Variants in RAB11FIP3 observed in about 807,000 individuals in gnomAD.
RAB11FIP3 encodes RAB11 family interacting protein 3, also known as rab11 family-interacting protein 3.
RAB11FIP3 carries 17 observed loss-of-function variants against 77.8 expected under a neutral mutation model. The ratio of observed to expected loss-of-function variants is 0.22; its 90% CI spans 0.15 to 0.33. The LOEUF is 0.33. Among genes scored for constraint, RAB11FIP3 ranks in the 10% least tolerant of loss-of-function variants. RAB11FIP3 has a pLI of 1.00. For missense variants in RAB11FIP3, 1,005 were observed against 1,011.2 expected, an observed-to-expected ratio of 0.99 and a Z score of 0.08; for synonymous variants, 437 against 448.2, an observed-to-expected ratio of 0.98 and a Z score of 0.31.
At chr16:478,009 C>T (rs942469911) in intron 3 of RAB11FIP3, among the ~76,000 whole-genome samples, 2 of 152,116 alleles carry the variant, frequency 1.3e-5, no homozygotes, top group Non-Finnish European at 2.9e-5. Context: ...GTGGTTGAGT[C>T]ACACGTCTGA....
chr16:464,934 T>C (rs536797947), intron 2 of RAB11FIP3, among the ~76,000 whole-genome samples: 1 of 152,220 alleles, frequency 6.6e-6, no homozygotes, highest in African/African-American at 2.4e-5. Flanking sequence ...CAAACAGAAT[T>C]TTGTGTGTAA....
At chr16:482,095 G>A (rs111467788) in intron 3 of RAB11FIP3, among the ~76,000 whole-genome samples, 71 of 45,384 alleles carry the variant, frequency 1.6e-3, no homozygotes, top group South Asian at 2.5e-3. Flanking sequence ...ACCGCACCTG[G>A]GCAAGCTCCT....
At chr16:485,420 G>GT (rs35138712) in intron 4 of RAB11FIP3, among the ~76,000 whole-genome samples, 61,791 of 151,934 alleles carry the variant, frequency 0.41, 14,055 homozygotes, top group Middle Eastern at 0.54. Flanking sequence ...TTTTGTTTCT[G>GT]TTTTTTTGTC....
At chr16:490,468 T>C (rs7194187) in intron 5 of RAB11FIP3, among the ~76,000 whole-genome samples, 26,274 of 152,086 alleles carry the variant, frequency 0.17, 3,561 homozygotes, top group African/African-American at 0.38. Flanking sequence ...GCTTCCTGAG[T>C]AGCTGGGACT....
chr16:445,669 T>C (rs1409572489), intron 1 of RAB11FIP3, among the ~76,000 whole-genome samples: 4 of 152,000 alleles, frequency 2.6e-5, no homozygotes, highest in Non-Finnish European at 5.9e-5. Flanking sequence ...TGCTGTTGGC[T>C]CCTGTAGCGG....
chr16:492,480 A>AG (rs1263758353), intron 5 of RAB11FIP3, among the ~76,000 whole-genome samples: 2 of 102,380 alleles, frequency 2.0e-5, no homozygotes, highest in African/African-American at 7.2e-5. Flanking sequence ...GAGGCCGCCC[A>AG]GGGCCCTCCC....
intron 6 of RAB11FIP3, among the ~76,000 whole-genome samples, chr16:500,273 G>T (rs945140862): frequency 6.6e-6 from 1 of 152,214 alleles, no homozygotes; most frequent in African/African-American, 2.4e-5. Flanking sequence ...AGCCAGGCTC[G>T]ACCTACTGCC....
chr16:521,053 G>A lies in RAB11FIP3; in HGVS notation c.*214G>A. ...GGAGAGGGAGAAAGGGAAGTCCCAG[G>A]GCCCGGGGTCCACAGAGGATGAGGG... On this transcript the variant is annotated 3_prime_UTR_variant, in exon 14 of 14. Transcript: ENST00000262305. The A allele has an allele frequency of 3.4e-6, 2 of 592,868 alleles. No homozygotes were observed. The highest frequency in any genetic ancestry group is 2.9e-5 in the Admixed American group (1 of 34,070). The allele number at this position is 592,868 out of a possible 1,614,324, so 36.7% of individuals were successfully genotyped here.
At chr16:463,846 G>A (rs2055659232) in intron 2 of RAB11FIP3, among the ~76,000 whole-genome samples, 1 of 152,204 alleles carries the variant, frequency 6.6e-6, no homozygotes, top group South Asian at 2.1e-4. Flanking sequence ...CCTCTGTGGT[G>A]AACCAGCACC....
At chr16:491,012 T>C (rs2030131262) in intron 5 of RAB11FIP3, 1 of 897,558 alleles carries the variant, frequency 1.1e-6, no homozygotes, top group Admixed American at 3.2e-5. Context: ...CAGCTCATTC[T>C]CTCTCCACGT....
In RAB11FIP3 at chr16:521,884, G is replaced by C. The variant is rs2032708855; in HGVS notation, c.*1045G>C. On this transcript the variant is annotated 3_prime_UTR_variant, in exon 14 of 14. Transcript: ENST00000262305. ...AGGGAGAGGGCAGGGAAGACTCACA[G>C]CAGAGCAGGAGGGGGCCTGTGCTTC... The C allele has an allele frequency of 6.6e-6, 1 of 152,266 alleles. No homozygotes were observed. Among genetic ancestry groups the C allele is most frequent in the African/African-American group, 2.4e-5 (1 of 41,436 alleles). The allele number at this position is 152,266 out of a possible 1,614,324, so 9.4% of individuals were successfully genotyped here. A position where few individuals can be genotyped will look rare whatever the true frequency, so the allele number is the denominator to read the frequency against.
Position 471,220 on chromosome 16 carries a change from G to A in RAB11FIP3, c.809-75G>A. On this transcript the variant is annotated intron_variant, in intron 2 of 13. Transcript: ENST00000262305. This position sits in a 1 kb window ranked among gnomAD's most constrained non-coding sequence, Gnocchi z 4.4. ...TCCCTGGGGGCCTCCTTCCCAGGGA[G>A]TCCCGAGGCCGCCAGGGGTCCCGTC... The A allele has an allele frequency of 1.5e-6, 2 of 1,331,896 alleles. No homozygotes were observed. The highest frequency in any genetic ancestry group is 2.1e-6 in the Non-Finnish European group (2 of 937,752). The allele number at this position is 1,331,896 out of a possible 1,614,324, so 82.5% of individuals were successfully genotyped here.
At chr16:453,490 CT>C (rs2055443336) in intron 1 of RAB11FIP3, 1 of 151,922 alleles carries the variant, frequency 6.6e-6, no homozygotes, top group Non-Finnish European at 1.5e-5. Context: ...TTATTCTAGA[CT>C]TTTCTAAACC....
At chr16:456,936 T>C (rs1279882860) in intron 1 of RAB11FIP3, among the ~76,000 whole-genome samples, 1 of 151,860 alleles carries the variant, frequency 6.6e-6, no homozygotes, top group Admixed American at 6.6e-5. Flanking sequence ...TGGGAGATAC[T>C]GTATAGCCAG....
At chr16:473,579 C>T (rs1290731891) in intron 3 of RAB11FIP3, among the ~76,000 whole-genome samples, 2 of 151,144 alleles carry the variant, frequency 1.3e-5, no homozygotes, top group Non-Finnish European at 2.9e-5. Context: ...GGACCACACT[C>T]AGTAACCACC....
At chr16:437,920 C>A (rs190603536) in intron 1 of RAB11FIP3, among the ~76,000 whole-genome samples, 2 of 152,274 alleles carry the variant, frequency 1.3e-5, no homozygotes, top group Admixed American at 1.3e-4. Context: ...AGTGATTCTC[C>A]TGCCTTAGTC....
intron 1 of RAB11FIP3, among the ~76,000 whole-genome samples, chr16:448,967 G>C (rs576927602): frequency 6.6e-6 from 1 of 152,142 alleles, no homozygotes; most frequent in East Asian, 1.9e-4. Flanking sequence ...ATAAAAACAG[G>C]ATGGAAATTA....
At chr16:444,560 G>T (rs2055279577) in intron 1 of RAB11FIP3, among the ~76,000 whole-genome samples, 1 of 152,224 alleles carries the variant, frequency 6.6e-6, no homozygotes, top group Admixed American at 6.5e-5. Context: ...CTCAAGATTG[G>T]GTTCTGGCCA....
chr16:460,946 G>A (rs2141648554), intron 1 of RAB11FIP3, among the ~76,000 whole-genome samples: 1 of 152,306 alleles, frequency 6.6e-6, no homozygotes. Context: ...GTCAGAGGCT[G>A]TCACTGTCAG....
Sources: gnomAD v4.1 joint callset for allele counts (sites outside exome capture counted in the v4.1 genomes callset) on GRCh38, gnomAD v4.1.1 for gene constraint, Gnocchi (gnomAD v3.1) non-coding constraint, MANE v1.5 for transcripts, NCBI Gene and HGNC (gene_info 2026-07-23, HGNC 2026-07-21) for gene names.